Variants in PCDH9 observed in about 807,000 individuals in gnomAD.
The protein encoded by PCDH9 is protocadherin 9.
PCDH9 carries 24 observed loss-of-function variants against 70.6 expected under a neutral mutation model. The observed-to-expected ratio is 0.34, with a 90% CI of 0.25 to 0.48. The LOEUF (loss-of-function observed/expected upper bound fraction) is 0.48. PCDH9 is among the 20% of genes least tolerant of loss of function. The pLI, the probability that PCDH9 is intolerant of heterozygous loss-of-function variation, is 0.99. For synonymous variants in PCDH9, 562 were observed against 558.5 expected (o/e 1.01, Z -0.09); for missense variants, 1,281 against 1,503.6 (o/e 0.85, Z 2.45).
At chr13:66,671,831 G>T (rs2078179259) in intron 3 of PCDH9, among the ~76,000 whole-genome samples, 1 of 152,146 alleles carries the variant, frequency 6.6e-6, no homozygotes, top group Non-Finnish European at 1.5e-5. Flanking sequence ...GAGAAGCAGA[G>T]CATAACAGTT....
intron 4 of PCDH9, among the ~76,000 whole-genome samples, chr13:66,603,498 T>C (rs773773273): frequency 1.3e-5 from 2 of 152,018 alleles, no homozygotes; most frequent in Non-Finnish European, 2.9e-5. Flanking sequence ...ATGGATTTAA[T>C]GTAAAATCAT....
chr13:67,025,414 G>A lies in PCDH9; in HGVS notation c.3037-121809C>T, dbSNP rs927963043. On this transcript the variant is annotated intron_variant, in intron 2 of 4. Transcript: ENST00000377865. ...CATGAGGTGTTTACAAATCCCTAACGCAATTGAGAAAGTCTTCTTTTTTTA... is the reference window on the plus strand; with the variant it reads ...CATGAGGTGTTTACAAATCCCTAACACAATTGAGAAAGTCTTCTTTTTTTA... Among the ~76,000 whole-genome samples, 94 of 152,044 alleles carry A rather than the reference G, an allele frequency of 6.2e-4. 1 individual carries two copies. The highest frequency in any genetic ancestry group is 1.9e-3 in the African/African-American group (79 of 41,498).
At chr13:66,714,507 G>T (rs1169392338) in intron 3 of PCDH9, among the ~76,000 whole-genome samples, 1 of 151,466 alleles carries the variant, frequency 6.6e-6, no homozygotes, top group Non-Finnish European at 1.5e-5. Context: ...TTATAGGAAT[G>T]AAGAGCAGTT....
intron 4 of PCDH9, among the ~76,000 whole-genome samples, chr13:66,556,559 AGTAAG>A (rs1175134995): frequency 1.3e-5 from 2 of 152,178 alleles, no homozygotes; most frequent in African/African-American, 4.8e-5. Flanking sequence ...GGATATTTTT[AGTAAG>A]GATGACTCTA....
chr13:67,093,473 G>A (rs916207843), intron 2 of PCDH9, among the ~76,000 whole-genome samples: 1 of 151,844 alleles, frequency 6.6e-6, no homozygotes, highest in Non-Finnish European at 1.5e-5. Flanking sequence ...ATAATAATAA[G>A]TAAATAAATA....
chr13:66,436,881 T>C (rs1957875947), intron 4 of PCDH9, among the ~76,000 whole-genome samples: 1 of 151,968 alleles, frequency 6.6e-6, no homozygotes, highest in Non-Finnish European at 1.5e-5. Context: ...TTCTTTATAA[T>C]CAATATTTAC....
intron 3 of PCDH9, among the ~76,000 whole-genome samples, chr13:66,863,743 C>T (rs1594169775): frequency 6.6e-6 from 1 of 152,184 alleles, no homozygotes; most frequent in South Asian, 2.1e-4. Context: ...AAGTGATCTG[C>T]CTCACAAAGT....
intron 2 of PCDH9, among the ~76,000 whole-genome samples, chr13:67,056,844 T>C (rs1408460602): frequency 6.6e-6 from 1 of 152,064 alleles, no homozygotes. Flanking sequence ...TACCACACCA[T>C]CATGAAGACA....
intron 4 of PCDH9, among the ~76,000 whole-genome samples, chr13:66,553,187 C>CA (rs1280577333): frequency 6.6e-6 from 1 of 152,206 alleles, no homozygotes; most frequent in Non-Finnish European, 1.5e-5. Flanking sequence ...AATTCCAAAA[C>CA]AAAAAATCAC....
intron 2 of PCDH9, among the ~76,000 whole-genome samples, chr13:67,154,891 G>A (rs576753688): frequency 6.6e-6 from 1 of 151,708 alleles, no homozygotes; most frequent in Non-Finnish European, 1.5e-5. Flanking sequence ...TTTTAGTAAT[G>A]CAAAAGAGAC....
intron 3 of PCDH9, among the ~76,000 whole-genome samples, chr13:66,720,882 C>A (rs1031582492): frequency 1.3e-5 from 2 of 151,826 alleles, no homozygotes; most frequent in Non-Finnish European, 2.9e-5. Context: ...TCCAAAAATC[C>A]AAATGGAATC....
At chr13:66,467,578 G>A (rs1324896339) in intron 4 of PCDH9, among the ~76,000 whole-genome samples, 1 of 151,984 alleles carries the variant, frequency 6.6e-6, no homozygotes, top group Non-Finnish European at 1.5e-5. Context: ...CTGAATTGTT[G>A]ATTCTTTTAT....
chr13:66,333,362 T>A (rs1955976211), intron 4 of PCDH9, among the ~76,000 whole-genome samples: 1 of 152,090 alleles, frequency 6.6e-6, no homozygotes, highest in African/African-American at 2.4e-5. Context: ...GAGGTAGAAA[T>A]GATGGACTAG....
chr13:67,216,537 A>T (rs1162480641), intron 2 of PCDH9: 2 of 151,564 alleles, frequency 1.3e-5, no homozygotes, highest in East Asian at 3.9e-4. Flanking sequence ...GGAAAAAGGC[A>T]TCAGTAAGAA....
At chr13:67,149,405 G>A (rs748757210) in intron 2 of PCDH9, among the ~76,000 whole-genome samples, 10 of 151,944 alleles carry the variant, frequency 6.6e-5, no homozygotes, top group Non-Finnish European at 7.4e-5. Context: ...TACTTTAAAG[G>A]TGTGATGAGA....
At chr13:66,730,728 A>C (rs555175054) in intron 3 of PCDH9, among the ~76,000 whole-genome samples, 1 of 149,898 alleles carries the variant, frequency 6.7e-6, no homozygotes, top group South Asian at 2.1e-4. Flanking sequence ...ACCCAGGCTG[A>C]AGTGCAGTGG....
chr13:66,484,457 C>A lies in PCDH9; in HGVS notation c.3340+146753G>T, dbSNP rs116922017. ...GTGCGAGGGCGATAAAAGAACCTTT[C>A]CCATTTCATTATTTTTACCTGGTGT... On this transcript the variant is annotated intron_variant, in intron 4 of 4. Transcript: ENST00000377865. Among the ~76,000 whole-genome samples, 705 of 152,288 alleles carry A rather than the reference C, an allele frequency of 4.6e-3. 32 individuals carry two copies. In the East Asian group the frequency reaches 0.091, roughly 20 times the overall value.
intron 2 of PCDH9, among the ~76,000 whole-genome samples, chr13:67,085,003 T>A (rs1180910407): frequency 1.4e-4 from 12 of 85,746 alleles, no homozygotes; most frequent in East Asian, 2.9e-4. Flanking sequence ...AAAAAATATA[T>A]ATATATATAT....
chr13:66,618,614 T>G lies in PCDH9; in HGVS notation c.3340+12596A>C, dbSNP rs529167505. Among the ~76,000 whole-genome samples, 4 of 152,292 alleles carry G rather than the reference T, an allele frequency of 2.6e-5. No individual in the cohort carries two copies. The South Asian group carries it at 8.3e-4, about 32-fold the overall frequency. ...GTAATATAACTTTATTTTGAGGTAT[T>G]TAAAAAGTTAATTTTATACTTCTAA... On this transcript the variant is annotated intron_variant, in intron 4 of 4. Transcript: ENST00000377865.
Sources: gnomAD v4.1 joint callset for allele counts (sites outside exome capture counted in the v4.1 genomes callset) on GRCh38, gnomAD v4.1.1 for gene constraint, MANE v1.5 for transcripts, NCBI Gene and HGNC (gene_info 2026-07-23, HGNC 2026-07-21) for gene names.